Variants in PDE8B observed in about 807,000 individuals in gnomAD.
The protein encoded by PDE8B is phosphodiesterase 8B.
Under a neutral mutation model 101.3 loss-of-function variants are expected in PDE8B, and 26 were observed. The observed-to-expected ratio is 0.26, with a 90% CI of 0.19 to 0.36. The LOEUF (loss-of-function observed/expected upper bound fraction) is 0.36, where lower values mean the gene tolerates loss of function less well. Among genes scored for constraint, PDE8B ranks in the 10% least tolerant of loss-of-function variants. The pLI, the probability that PDE8B is intolerant of heterozygous loss-of-function variation, is 1.00. For missense variants in PDE8B, 810 were observed against 1,163.1 expected (o/e 0.70, Z 4.42); for synonymous variants, 424 against 429.3 (o/e 0.99, Z 0.15).
the PDE8B span, among the ~76,000 whole-genome samples, chr5:77,097,680 AGATT>A: frequency 3.7e-5 from 2 of 54,470 alleles, no homozygotes; most frequent in African/African-American, 1.2e-4. Flanking sequence ...CTGTTTGTGG[AGATT>A]TTATATATCT....
intron 1 of PDE8B, among the ~76,000 whole-genome samples, chr5:77,308,298 T>C (rs1490012331): frequency 6.6e-6 from 1 of 151,958 alleles, no homozygotes; most frequent in Non-Finnish European, 1.5e-5. Flanking sequence ...CAAAGCAAAG[T>C]GTGGGTCAGG....
Position 77,211,030 on chromosome 5 carries a change from C to T in PDE8B, c.105C>T (p.Gly35=). 5.2e-6 allele frequency: 8 copies of T among 1,542,330 alleles called. No individual in the cohort carries two copies. The highest frequency in any genetic ancestry group is 6.9e-6 in the Non-Finnish European group (8 of 1,154,600). ...SPRQTTSVSQ[G]PAAPLPGLFV... ...GCCAGACCACCAGCGTGTCGCAGGG[C>T]CCGGCGGCACCCCTGCCCGGCCTCT... The change falls in exon 1 of 22, where the codon GGC becomes GGT. Residue 35 remains glycine, a synonymous_variant. Coordinates refer to ENST00000264917, the MANE Select transcript of PDE8B (RefSeq NM_003719.5). The surrounding 1 kb of genome is among the most constrained non-coding windows in gnomAD (Gnocchi z 4.1).
At chr5:77,141,059 T>C in the PDE8B span, 1 of 152,214 alleles carries the variant, frequency 6.6e-6, no homozygotes, top group South Asian at 2.1e-4. Flanking sequence ...CAGTCCACTA[T>C]ATTGCTAGAA....
intron 1 of PDE8B, among the ~76,000 whole-genome samples, chr5:77,280,049 G>A (rs914522009): frequency 1.3e-5 from 2 of 152,182 alleles, no homozygotes; most frequent in African/African-American, 2.4e-5. Context: ...CCACCTCTGG[G>A]TTGGTGTGCA....
the PDE8B span, among the ~76,000 whole-genome samples, chr5:77,178,164 T>C: frequency 3.2e-4 from 48 of 152,228 alleles, 1 homozygote; most frequent in Admixed American, 1.3e-4. Context: ...GTATGGCTTT[T>C]CTTTTTCTTT....
intron 1 of PDE8B, among the ~76,000 whole-genome samples, chr5:77,251,587 T>G (rs1758066199): frequency 6.6e-6 from 1 of 152,166 alleles, no homozygotes; most frequent in African/African-American, 2.4e-5. Flanking sequence ...TTATTTTCAG[T>G]TATGACTTCT....
chr5:77,413,136 GTCT>G lies in PDE8B; in HGVS notation c.1742_1744del (p.Phe581del), dbSNP rs1794881087. On this transcript the variant is annotated inframe_deletion, in exon 17 of 22. Transcript: ENST00000264917. ...GCCATTGGTTTATCTGGGCTTAAAG[GTCT>G]TCTCTCGGTTTGGAGTATGTGAATT... 1 of 1,613,898 alleles carries G rather than the reference GTCT, an allele frequency of 6.2e-7. No individual in the cohort carries two copies.
At chr5:77,160,484 G>C in the PDE8B span, among the ~76,000 whole-genome samples, 1 of 152,108 alleles carries the variant, frequency 6.6e-6, no homozygotes, top group Non-Finnish European at 1.5e-5. Flanking sequence ...AACCCATGCT[G>C]TTCAAGGGTT....
At chr5:77,306,725 T>C (rs1771301709) in intron 1 of PDE8B, among the ~76,000 whole-genome samples, 1 of 152,210 alleles carries the variant, frequency 6.6e-6, no homozygotes, top group East Asian at 1.9e-4. Context: ...CAATCACCTC[T>C]AGAGAATGTG....
At chr5:77,322,397 C>T (rs535981423) in intron 2 of PDE8B, among the ~76,000 whole-genome samples, 1 of 152,268 alleles carries the variant, frequency 6.6e-6, no homozygotes, top group South Asian at 2.1e-4. Context: ...AGCTGTCCAC[C>T]TTCAATCAGT....
intron 10 of PDE8B, among the ~76,000 whole-genome samples, chr5:77,385,183 C>T (rs1034101966): frequency 1.3e-5 from 2 of 152,146 alleles, no homozygotes; most frequent in Non-Finnish European, 2.9e-5. Flanking sequence ...GATTCAACTT[C>T]TTCCTGGTTT....
the PDE8B span, among the ~76,000 whole-genome samples, chr5:77,191,196 C>A: frequency 1.3e-5 from 2 of 151,618 alleles, no homozygotes; most frequent in Non-Finnish European, 2.9e-5. Context: ...ACCTTAATTA[C>A]CTCCCTCAAG....
the PDE8B span, among the ~76,000 whole-genome samples, chr5:77,181,479 A>G: frequency 6.6e-6 from 1 of 152,204 alleles, no homozygotes; most frequent in East Asian, 1.9e-4. Flanking sequence ...AGCAGCCTTT[A>G]CAAAAGCTTG....
At chr5:77,323,672 T>G (rs1200001999) in intron 2 of PDE8B, among the ~76,000 whole-genome samples, 2 of 152,102 alleles carry the variant, frequency 1.3e-5, no homozygotes, top group Non-Finnish European at 2.9e-5. Context: ...AATAAAAGTA[T>G]TTTTCAGCTG....
At chr5:77,324,696 G>A (rs1775730797) in intron 2 of PDE8B, among the ~76,000 whole-genome samples, 1 of 152,110 alleles carries the variant, frequency 6.6e-6, no homozygotes, top group African/African-American at 2.4e-5. Flanking sequence ...CATTTTTGAG[G>A]TTGTTTTGAG....
intron 1 of PDE8B, among the ~76,000 whole-genome samples, chr5:77,277,324 A>G (rs959739897): frequency 2.0e-5 from 3 of 152,188 alleles, no homozygotes; most frequent in Non-Finnish European, 4.4e-5. Context: ...GGAAACACCT[A>G]TTATCTATGA....
intron 10 of PDE8B, among the ~76,000 whole-genome samples, chr5:77,360,504 A>G (rs527677843): frequency 1.3e-5 from 2 of 152,328 alleles, no homozygotes; most frequent in South Asian, 4.1e-4. Context: ...TTCAGAAGGA[A>G]TTATTCACCT....
intron 1 of PDE8B, among the ~76,000 whole-genome samples, chr5:77,245,152 A>G (rs879844342): frequency 6.6e-6 from 1 of 152,222 alleles, no homozygotes; most frequent in Non-Finnish European, 1.5e-5. Flanking sequence ...GATAGGTCCA[A>G]AAGTAATGAA....
At chr5:77,351,006 T>C (rs1781009568) in intron 8 of PDE8B, 59 bp from the exon 9 acceptor site, 2 of 1,227,422 alleles carry the variant, frequency 1.6e-6, no homozygotes, top group Admixed American at 3.4e-5. Context: ...TGAGACCCTC[T>C]GCAGGAGCAG....
Sources: allele counts gnomAD v4.1 joint callset (sites outside exome capture counted in the v4.1 genomes callset), GRCh38; gene constraint gnomAD v4.1.1; non-coding constraint Gnocchi (gnomAD v3.1); transcripts MANE v1.5; gene names NCBI Gene and HGNC (gene_info 2026-07-23, HGNC 2026-07-21).